Variants in SMYD3 observed in about 807,000 individuals in gnomAD.
The protein encoded by SMYD3 is SET and MYND domain containing 3.
In SMYD3, 36 loss-of-function variants were observed where a neutral mutation model predicts 57.7. The observed-to-expected ratio is 0.62, with a 90% CI of 0.48 to 0.82. The LOEUF (loss-of-function observed/expected upper bound fraction) is 0.82, where lower values mean the gene tolerates loss of function less well. SMYD3 is among the 40% of genes least tolerant of loss of function. SMYD3 has a pLI of 0.00. For synonymous variants in SMYD3, 211 were observed against 195.0 expected (o/e 1.08, Z -0.68); for missense variants, 515 against 538.8 (o/e 0.96, Z 0.44).
At chr1:246,000,728 C>G (rs1001547575) in intron 5 of SMYD3, among the ~76,000 whole-genome samples, 15 of 152,208 alleles carry the variant, frequency 9.9e-5, no homozygotes. Flanking sequence ...GACTAAAATA[C>G]AAGGCCTACA....
intron 5 of SMYD3, among the ~76,000 whole-genome samples, chr1:246,144,421 C>T (rs1044128055): frequency 6.6e-6 from 1 of 152,188 alleles, no homozygotes; most frequent in African/African-American, 2.4e-5. Context: ...TTCACCATAA[C>T]ATCTAAAATA....
chr1:245,826,756 G>A (rs2049521067), intron 10 of SMYD3, among the ~76,000 whole-genome samples: 1 of 152,168 alleles, frequency 6.6e-6, no homozygotes, highest in Admixed American at 6.6e-5. Flanking sequence ...AAAGGTGAAG[G>A]CGAAGTGGAA....
chr1:246,015,983 T>G (rs1178365064), intron 5 of SMYD3, among the ~76,000 whole-genome samples: 1 of 152,182 alleles, frequency 6.6e-6, no homozygotes, highest in East Asian at 1.9e-4. Context: ...GAGAGCATTT[T>G]GAAATGTGAG....
intron 1 of SMYD3, among the ~76,000 whole-genome samples, chr1:246,370,233 G>A (rs2066172566): frequency 6.6e-6 from 1 of 152,182 alleles, no homozygotes; most frequent in Non-Finnish European, 1.5e-5. Context: ...AGTGGAGAGG[G>A]TAATGCAGTC....
Position 246,348,077 on chromosome 1 carries a change from T to TATATATATATATATATGTATAC in SMYD3, c.228+6953_228+6954insGTATACATATATATATATATAT. ...AGAAAACGTTATATATATATATATA[T>TATATATATATATATATGTATAC]ACACACACACCATCAAATACTATGA... On this transcript the variant is annotated intron_variant, in intron 2 of 11. Transcript: ENST00000490107. Among the ~76,000 whole-genome samples, 5 of 86,488 alleles carry TATATATATATATATATGTATAC rather than the reference T, an allele frequency of 5.8e-5. No homozygotes were observed. The Admixed American group carries it at 6.8e-4, about 12-fold the overall frequency. The allele number at this position is 86,488 out of a possible 152,430, so 56.7% of individuals were successfully genotyped here.
intron 1 of SMYD3, among the ~76,000 whole-genome samples, chr1:246,408,836 A>C (rs2066913513): frequency 6.6e-6 from 1 of 151,708 alleles, no homozygotes; most frequent in South Asian, 2.1e-4. Flanking sequence ...CACCTGGCTA[A>C]TTTTTGTATT....
intron 1 of SMYD3, among the ~76,000 whole-genome samples, chr1:246,452,385 C>G (rs1250194344): frequency 2.0e-5 from 3 of 152,180 alleles, no homozygotes; most frequent in East Asian, 3.9e-4. Context: ...ACCTGTACTA[C>G]CAGCTACTGG....
intron 1 of SMYD3, 60 bp downstream of exon 1, chr1:246,506,994 C>CCCCCCCCGCA: frequency 2.2e-6 from 2 of 894,064 alleles, no homozygotes; most frequent in Non-Finnish European, 3.0e-6. Context: ...CCGACGCCCC[C>CCCCCCCCGCA]CCCTCCCCAG....
intron 1 of SMYD3, among the ~76,000 whole-genome samples, chr1:246,494,535 T>C (rs1277232675): frequency 6.6e-6 from 1 of 152,224 alleles, no homozygotes; most frequent in East Asian, 1.9e-4. Flanking sequence ...GTAAGTCTTT[T>C]TGTAAGATGC....
intron 5 of SMYD3, among the ~76,000 whole-genome samples, chr1:246,301,192 T>C (rs1417527267): frequency 6.6e-6 from 1 of 152,114 alleles, no homozygotes; most frequent in African/African-American, 2.4e-5. Context: ...CAAAGTCTAA[T>C]GAACAAATAA....
At chr1:246,207,752 C>T (rs2063023498) in intron 5 of SMYD3, among the ~76,000 whole-genome samples, 1 of 152,126 alleles carries the variant, frequency 6.6e-6, no homozygotes, top group South Asian at 2.1e-4. Context: ...AAATAAATCA[C>T]ATGTGCCTGG....
intron 5 of SMYD3, among the ~76,000 whole-genome samples, chr1:245,958,712 C>G (rs1395104262): frequency 6.6e-6 from 1 of 152,158 alleles, no homozygotes; most frequent in African/African-American, 2.4e-5. Flanking sequence ...ACATTTTATC[C>G]TACTTTGTAT....
chr1:245,765,896 C>T (rs1050411333), intron 10 of SMYD3, among the ~76,000 whole-genome samples: 1 of 152,156 alleles, frequency 6.6e-6, no homozygotes, highest in African/African-American at 2.4e-5. Flanking sequence ...TATTATATAA[C>T]AGTGATGAGG....
chr1:245,793,181 T>C (rs376229942), intron 10 of SMYD3, among the ~76,000 whole-genome samples: 1,584 of 149,854 alleles, frequency 0.011, 18 homozygotes, highest in East Asian at 0.042. Context: ...TGGTGGCGGG[T>C]GCCTGTAGTC....
chr1:246,324,726 C>A (rs2065310849), intron 5 of SMYD3, among the ~76,000 whole-genome samples: 1 of 151,632 alleles, frequency 6.6e-6, no homozygotes, highest in African/African-American at 2.4e-5. Context: ...AAACAAAATC[C>A]TGTTTTATGT....
intron 10 of SMYD3, among the ~76,000 whole-genome samples, chr1:245,767,874 G>A (rs879392857): frequency 2.0e-5 from 3 of 152,236 alleles, no homozygotes; most frequent in Admixed American, 6.5e-5. Context: ...ACCAAAGGGG[G>A]CTGAAGATAT....
chr1:246,272,545 GT>G (rs768892379), intron 5 of SMYD3, among the ~76,000 whole-genome samples: 4 of 152,020 alleles, frequency 2.6e-5, no homozygotes, highest in Admixed American at 6.6e-5. Context: ...ATCACGTGGG[GT>G]TTTTTTCCCC....
chr1:246,236,092 C>T (rs758976570), intron 5 of SMYD3, among the ~76,000 whole-genome samples: 1 of 152,052 alleles, frequency 6.6e-6, no homozygotes, highest in Non-Finnish European at 1.5e-5. Context: ...CACTCAAACT[C>T]TATACAGTAT....
chr1:246,030,188 A>G (rs1438901408), intron 5 of SMYD3, among the ~76,000 whole-genome samples: 3 of 152,192 alleles, frequency 2.0e-5, no homozygotes, highest in Non-Finnish European at 2.9e-5. Flanking sequence ...TGAAGCATTA[A>G]TGGATAAAGA....
Sources: allele counts gnomAD v4.1 joint callset (sites outside exome capture counted in the v4.1 genomes callset), GRCh38; gene constraint gnomAD v4.1.1; transcripts MANE v1.5; gene names NCBI Gene and HGNC (gene_info 2026-07-23, HGNC 2026-07-21).